CHN1: variants seen among roughly 807,000 people sequenced by gnomAD.
The protein encoded by CHN1 is chimerin 1.
A neutral mutation model predicts 59.5 loss-of-function variants in CHN1; 37 were observed. The ratio of observed to expected loss-of-function variants is 0.62; its 90% CI spans 0.48 to 0.82. CHN1 has a LOEUF of 0.82. Ranked by LOEUF, CHN1 falls within the 40% of genes least tolerant of loss-of-function variation. The pLI, the probability that CHN1 is intolerant of heterozygous loss-of-function variation, is 0.00. For synonymous variants in CHN1, 206 were observed against 200.4 expected, an observed-to-expected ratio of 1.03 and a Z score of -0.24; for missense variants, 469 against 571.0, an observed-to-expected ratio of 0.82 and a Z score of 1.82.
intron 11 of CHN1, among the ~76,000 whole-genome samples, chr2:174,804,803 G>C (rs1168661008): frequency 6.6e-6 from 1 of 152,228 alleles, no homozygotes; most frequent in African/African-American, 2.4e-5. Context: ...TGAGATGCCT[G>C]TCAGGCATTC....
At chr2:174,868,722 A>G (rs1234963884) in intron 6 of CHN1, among the ~76,000 whole-genome samples, 2 of 152,166 alleles carry the variant, frequency 1.3e-5, no homozygotes, top group East Asian at 1.9e-4. Flanking sequence ...AGAGAATGTC[A>G]TTCTTCACCT....
intron 5 of CHN1, among the ~76,000 whole-genome samples, chr2:174,894,700 C>T (rs1423917287): frequency 1.3e-5 from 2 of 151,934 alleles, no homozygotes; most frequent in South Asian, 2.1e-4. Context: ...TTCACAATAG[C>T]CAAGATGTGA....
chr2:174,917,233 G>C lies in CHN1; in HGVS notation c.146+1301C>G, dbSNP rs557619224. On this transcript the variant is annotated intron_variant, in intron 4 of 12. Coordinates refer to ENST00000409900, the MANE Select transcript of CHN1 (RefSeq NM_001822.7). ...GGATCACCTGAGGTCAAGAGTTCAA[G>C]ACCAGCCTGACCAACATGGTGAAAC... 4.6e-5 allele frequency among the ~76,000 whole-genome samples: 7 copies of C among 152,240 alleles called. No individual in the cohort carries two copies. The South Asian group carries it at 1.5e-3, about 32-fold the overall frequency.
chr2:174,842,305 C>A (rs556643843), intron 7 of CHN1, among the ~76,000 whole-genome samples: 1 of 152,240 alleles, frequency 6.6e-6, no homozygotes, highest in East Asian at 1.9e-4. Context: ...TTTCTGAATA[C>A]GACATTTCAC....
intron 1 of CHN1, among the ~76,000 whole-genome samples, chr2:175,003,204 G>A (rs1691945114): frequency 1.3e-5 from 2 of 152,198 alleles, no homozygotes; most frequent in Admixed American, 6.5e-5. Flanking sequence ...ACTCAAGAGT[G>A]CTTTGTTTTA....
At chr2:174,884,867 G>C (rs1687845848) in intron 5 of CHN1, among the ~76,000 whole-genome samples, 1 of 152,146 alleles carries the variant, frequency 6.6e-6, no homozygotes, top group Non-Finnish European at 1.5e-5. Context: ...TAAAGCACCA[G>C]AGACTGGCAT....
At chr2:174,888,144 AC>A (rs1687944543) in intron 5 of CHN1, among the ~76,000 whole-genome samples, 1 of 152,220 alleles carries the variant, frequency 6.6e-6, no homozygotes, top group Non-Finnish European at 1.5e-5. Context: ...TACATTAGGT[AC>A]CATCTCTAAA....
intron 2 of CHN1, among the ~76,000 whole-genome samples, chr2:174,946,609 T>C (rs1689844472): frequency 6.6e-6 from 1 of 151,998 alleles, no homozygotes; most frequent in East Asian, 1.9e-4. Flanking sequence ...GTTACAGAGA[T>C]GACAAAAAGG....
intron 7 of CHN1, among the ~76,000 whole-genome samples, chr2:174,844,653 C>T (rs529667785): frequency 6.6e-6 from 1 of 152,230 alleles, no homozygotes; most frequent in African/African-American, 2.4e-5. Context: ...TCTAAGCGAG[C>T]GTCTGTGTGG....
chr2:174,995,863 C>G (rs757634311), intron 1 of CHN1, among the ~76,000 whole-genome samples: 1 of 152,180 alleles, frequency 6.6e-6, no homozygotes, highest in Non-Finnish European at 1.5e-5. Context: ...TTAGCAGTAT[C>G]ACAGTGCTTA....
chr2:174,880,044 G>T (rs1252314912), intron 5 of CHN1, among the ~76,000 whole-genome samples: 1 of 152,108 alleles, frequency 6.6e-6, no homozygotes, highest in African/African-American at 2.4e-5. Flanking sequence ...CTGGCTACCT[G>T]TAAGGAGCTG....
intron 5 of CHN1, among the ~76,000 whole-genome samples, chr2:174,879,703 A>G (rs746580854): frequency 6.6e-6 from 1 of 152,194 alleles, no homozygotes; most frequent in Non-Finnish European, 1.5e-5. Context: ...AGACTCCTAC[A>G]ATAATAAACA....
At chr2:174,811,419 A>G (rs1161364556) in intron 10 of CHN1, 92 bp downstream of exon 10, 2 of 808,236 alleles carry the variant, frequency 2.5e-6, no homozygotes, top group African/African-American at 1.7e-5. Context: ...AATGATTTAG[A>G]AAAATAATGC....
chr2:174,907,917 A>G (rs1688587108), intron 5 of CHN1, among the ~76,000 whole-genome samples: 1 of 152,202 alleles, frequency 6.6e-6, no homozygotes. Flanking sequence ...AAGAAAATAT[A>G]ATTTTCCCAA....
chr2:174,898,438 GAAA>G (rs34869691), intron 5 of CHN1, among the ~76,000 whole-genome samples: 18 of 130,792 alleles, frequency 1.4e-4, no homozygotes, highest in African/African-American at 4.2e-4. Flanking sequence ...CGTCTCTACT[GAAA>G]AAAAAAAAAA....
intron 2 of CHN1, among the ~76,000 whole-genome samples, chr2:174,947,472 C>T (rs1337967569): frequency 1.3e-5 from 2 of 150,686 alleles, no homozygotes; most frequent in Non-Finnish European, 3.0e-5. Flanking sequence ...ATCTTTAAGA[C>T]TCTTTTTTTT....
intron 6 of CHN1, among the ~76,000 whole-genome samples, chr2:174,848,541 A>G (rs999374959): frequency 1.3e-5 from 2 of 152,168 alleles, no homozygotes; most frequent in African/African-American, 4.8e-5. Context: ...AAAGCATCTA[A>G]AATTCTATGT....
intron 3 of CHN1, among the ~76,000 whole-genome samples, chr2:174,940,357 C>T (rs1315081566): frequency 6.6e-6 from 1 of 152,100 alleles, no homozygotes; most frequent in African/African-American, 2.4e-5. Context: ...AATGTATCAT[C>T]TAGGAAAGTT....
intron 11 of CHN1, among the ~76,000 whole-genome samples, chr2:174,804,265 T>C (rs1684818040): frequency 1.3e-5 from 2 of 151,868 alleles, no homozygotes; most frequent in African/African-American, 4.8e-5. Flanking sequence ...GCCTATAATG[T>C]TTGAGGAAAA....
Sources: gnomAD v4.1 joint callset for allele counts (sites outside exome capture counted in the v4.1 genomes callset) on GRCh38, gnomAD v4.1.1 for gene constraint, MANE v1.5 for transcripts, NCBI Gene and HGNC (gene_info 2026-07-23, HGNC 2026-07-21) for gene names.